DPP6: variants seen among roughly 807,000 people sequenced by gnomAD.
DPP6 encodes the protein A-type potassium channel modulatory protein DPP6.
DPP6 carries 69 observed loss-of-function variants against 122.6 expected under a neutral mutation model. The ratio of observed to expected loss-of-function variants is 0.56; its 90% confidence interval spans 0.46 to 0.69. The LOEUF (loss-of-function observed/expected upper bound fraction) is 0.69, where lower values mean the gene tolerates loss of function less well. Ranked by LOEUF, DPP6 falls within the 30% of genes least tolerant of loss-of-function variation. The pLI is 0.00. For missense variants in DPP6, 928 were observed against 1,116.9 expected, an observed-to-expected ratio of 0.83 and a Z score of 2.41; for synonymous variants, 418 against 433.1, an observed-to-expected ratio of 0.97 and a Z score of 0.43.
rs151188465 is a variant in DPP6, at chr7:154,140,124, G to A, written c.243+87061G>A. Among the ~76,000 whole-genome samples the A allele has an allele frequency of 5.5e-4, 83 of 152,152 alleles. No individual in the cohort carries two copies. The East Asian group carries it at 9.5e-3, about 17-fold the overall frequency. On this transcript the variant is annotated intron_variant, in intron 1 of 25. Transcript: ENST00000377770. Reference sequence around the variant, plus strand: ...CCTGCTTCTATCCAGCCCCTACATCGCTCTTTCATGATTTTAAATGTGCAC... The same window carrying A: ...CCTGCTTCTATCCAGCCCCTACATCACTCTTTCATGATTTTAAATGTGCAC...
chr7:154,808,580 G>T (rs999608984), intron 16 of DPP6, among the ~76,000 whole-genome samples: 1 of 152,142 alleles, frequency 6.6e-6, no homozygotes, highest in Non-Finnish European at 1.5e-5. Context: ...GCCAGAAGTT[G>T]AGTGGATTCC....
rs928866264 is a variant in DPP6, at chr7:154,760,676, C to T, written c.884-8741C>T. Among the ~76,000 whole-genome samples the T allele has an allele frequency of 2.6e-5, 4 of 152,024 alleles. No individual in the cohort carries two copies. The East Asian group carries it at 7.7e-4, about 29-fold the overall frequency. ...CGAGAACATCCTTGCCACACTGGGA[C>T]CTGTTTGAGCGTGAGGCAGGTGAGC... is the stretch of plus-strand genomic sequence containing the variant. On this transcript the variant is annotated intron_variant, in intron 8 of 25. Transcript: ENST00000377770. The surrounding 1 kb of genome is among the most constrained non-coding windows in gnomAD (Gnocchi z 4.5).
At chr7:154,015,879 C>T (rs1798381646) in intron 1 of DPP6, among the ~76,000 whole-genome samples, 1 of 152,136 alleles carries the variant, frequency 6.6e-6, no homozygotes, top group Non-Finnish European at 1.5e-5. Flanking sequence ...CAAGTCAGAT[C>T]CATCACCCCC....
intron 1 of DPP6, among the ~76,000 whole-genome samples, chr7:154,188,393 T>C (rs936827468): frequency 2.6e-5 from 4 of 152,190 alleles, no homozygotes; most frequent in African/African-American, 7.2e-5. Context: ...ACACAGTCCT[T>C]ATCTTAATAA....
chr7:154,824,281 T>C (rs1021668264), intron 16 of DPP6, among the ~76,000 whole-genome samples: 2 of 152,114 alleles, frequency 1.3e-5, no homozygotes, highest in African/African-American at 4.8e-5. Context: ...TGTTTGTTTG[T>C]TTGTTTGTTT....
rs1805012584 is a variant in DPP6 at position 154,877,704 on chromosome 7, A to G, written c.2078+1604A>G. ...GAAAGGAAAGGAAAGTCTCCCCACA[A>G]GCAGACAGCAAACCTCTCCTTCCAT... On this transcript the variant is annotated intron_variant, in intron 20 of 25. Coordinates refer to ENST00000377770, the MANE Select transcript of DPP6 (RefSeq NM_130797.4). The surrounding 1 kb of genome is among the most constrained non-coding windows in gnomAD (Gnocchi z 5.2). 1.3e-5 allele frequency among the ~76,000 whole-genome samples: 2 copies of G among 152,182 alleles called. No homozygotes were observed.
the DPP6 span, among the ~76,000 whole-genome samples, chr7:153,879,715 A>C: frequency 6.6e-6 from 1 of 152,108 alleles, no homozygotes; most frequent in Non-Finnish European, 1.5e-5. Flanking sequence ...AAGTCATTTA[A>C]CCACGTGTTT....
intron 1 of DPP6, among the ~76,000 whole-genome samples, chr7:154,124,479 A>G (rs1248032345): frequency 6.6e-6 from 1 of 152,200 alleles, no homozygotes; most frequent in African/African-American, 2.4e-5. Flanking sequence ...CTGCACCGGC[A>G]CTGTGGGAGC....
At chr7:154,781,754 TA>T (rs544123566) in intron 10 of DPP6, among the ~76,000 whole-genome samples, 1 of 152,110 alleles carries the variant, frequency 6.6e-6, no homozygotes, top group Admixed American at 6.5e-5. Flanking sequence ...TAAACATTGC[TA>T]AAAAAATACC....
At chr7:154,507,995 C>T (rs28464865) in intron 3 of DPP6, among the ~76,000 whole-genome samples, 34,919 of 151,988 alleles carry the variant, frequency 0.23, 4,097 homozygotes, top group Middle Eastern at 0.33. Flanking sequence ...AAAGAGTCTC[C>T]GATTAGAAAT....
intron 10 of DPP6, among the ~76,000 whole-genome samples, chr7:154,791,770 A>C (rs1587151644): frequency 6.6e-6 from 1 of 151,746 alleles, no homozygotes. Flanking sequence ...CAGTACTGTG[A>C]CTCCGCGGGC....
intron 7 of DPP6, among the ~76,000 whole-genome samples, chr7:154,696,108 C>T (rs1840201812): frequency 6.6e-6 from 1 of 152,230 alleles, no homozygotes; most frequent in Non-Finnish European, 1.5e-5. Context: ...CTCCACAAAA[C>T]TCATGCGATC....
chr7:154,837,267 A>G (rs1249417673), intron 16 of DPP6, among the ~76,000 whole-genome samples: 2 of 151,206 alleles, frequency 1.3e-5, no homozygotes, highest in African/African-American at 4.9e-5. Context: ...ATGCACACAC[A>G]TGCACACGCA....
the DPP6 span, among the ~76,000 whole-genome samples, chr7:153,788,423 C>T: frequency 6.6e-6 from 1 of 152,156 alleles, no homozygotes; most frequent in African/African-American, 2.4e-5. Context: ...AAAAAGAATT[C>T]GATTAGCTCA....
chr7:154,177,410 G>A (rs555171856), intron 1 of DPP6, among the ~76,000 whole-genome samples: 1 of 152,292 alleles, frequency 6.6e-6, no homozygotes, highest in East Asian at 1.9e-4. Flanking sequence ...AATAATAAAA[G>A]CCAAACTGCA....
chr7:154,060,547 T>C (rs1367881498), intron 1 of DPP6, among the ~76,000 whole-genome samples: 2 of 129,448 alleles, frequency 1.5e-5, no homozygotes, highest in Admixed American at 7.8e-5. Context: ...AAGTAGAAAG[T>C]TCAAATCTTC....
intron 1 of DPP6, among the ~76,000 whole-genome samples, chr7:154,074,132 T>TAGAGAGATATATAG (rs774836504): frequency 2.5e-5 from 3 of 119,678 alleles, no homozygotes; most frequent in Admixed American, 8.6e-5. Flanking sequence ...GATATCTATA[T>TAGAGAGATATATAG]ATATCTCTCT....
intron 1 of DPP6, among the ~76,000 whole-genome samples, chr7:153,945,674 G>A (rs79438408): frequency 0.032 from 4,826 of 152,212 alleles, 259 homozygotes; most frequent in African/African-American, 0.11. Context: ...TCTTATTCAT[G>A]TGGATAAAAT....
intron 1 of DPP6, among the ~76,000 whole-genome samples, chr7:154,247,186 G>T (rs976994893): frequency 1.3e-5 from 2 of 152,074 alleles, no homozygotes; most frequent in Non-Finnish European, 2.9e-5. Context: ...GGTGGTGTGT[G>T]CCTGTAGTTT....
Sources: allele counts gnomAD v4.1 joint callset (sites outside exome capture counted in the v4.1 genomes callset), GRCh38; gene constraint gnomAD v4.1.1; non-coding constraint Gnocchi (gnomAD v3.1); transcripts MANE v1.5; gene names NCBI Gene and HGNC (gene_info 2026-07-23, HGNC 2026-07-21).